The following DCLK1 variants were observed in gnomAD, a reference collection of about 807,000 sequenced individuals.
The protein encoded by DCLK1 is doublecortin like kinase 1.
Under a neutral mutation model 86.2 loss-of-function variants are expected in DCLK1, and 16 were observed. The observed-to-expected ratio is 0.19, with a 90% CI of 0.13 to 0.28. The LOEUF (loss-of-function observed/expected upper bound fraction) is 0.28, where lower values mean the gene tolerates loss of function less well. Ranked by LOEUF, DCLK1 falls within the 10% of genes least tolerant of loss-of-function variation. The pLI is 1.00. For missense variants in DCLK1, 590 were observed against 940.2 expected, an observed-to-expected ratio of 0.63 and a Z score of 4.87; for synonymous variants, 369 against 370.5, an observed-to-expected ratio of 1.00 and a Z score of 0.05.
rs1392467029 is a variant in DCLK1 at position 35,773,572 on chromosome 13, GACCA to G, written c.*959_*962del. 5.9e-5 allele frequency: 9 copies of G among 151,504 alleles called. No homozygotes were observed. Among genetic ancestry groups the G allele is most frequent in the Admixed American group, 4.6e-4 (7 of 15,096 alleles). The allele number at this position is 151,504 out of a possible 1,614,324, so 9.4% of individuals were successfully genotyped here. ...TACTAGATGTAGATTGCACAGTGAT[GACCA>G]CAGTGCGTGGAAAAGCAGGTGAGAA... On this transcript the variant is annotated 3_prime_UTR_variant, in exon 17 of 17. Transcript: ENST00000360631.
rs774831118 is a variant in DCLK1, at chr13:35,855,519, G to T, written c.941-926C>A. On this transcript the variant is annotated intron_variant, in intron 5 of 16. Transcript: ENST00000360631. ...AATGCATTTCACTTACCTTCTATGAGTTCTAACATGGACACAGTCTTAGTG... is the reference window on the plus strand; with the variant it reads ...AATGCATTTCACTTACCTTCTATGATTTCTAACATGGACACAGTCTTAGTG... 4 of 1,607,214 alleles carry T rather than the reference G, an allele frequency of 2.5e-6. 1 individual carries two copies. In the South Asian group the frequency reaches 4.5e-5, roughly 18 times the overall value.
Position 35,982,503 on chromosome 13 carries a change from T to C in DCLK1, c.724-35046A>G, listed in dbSNP as rs554137541. On this transcript the variant is annotated intron_variant, in intron 3 of 16. Transcript: ENST00000360631. ...GAAAGGGCAACCGATTCAAGTGAATTTCAACTTAGTGAAGTCAGGATACCT... is the reference window on the plus strand; with the variant it reads ...GAAAGGGCAACCGATTCAAGTGAATCTCAACTTAGTGAAGTCAGGATACCT... Among the ~76,000 whole-genome samples, 22 of 127,802 alleles carry C rather than the reference T, an allele frequency of 1.7e-4. 1 individual carries two copies. Among genetic ancestry groups the C allele is most frequent in the African/African-American group, 6.5e-4 (21 of 32,388 alleles). The allele number at this position is 127,802 out of a possible 152,430, so 83.8% of individuals were successfully genotyped here.
At chr13:35,980,347 C>T (rs980333682) in intron 3 of DCLK1, among the ~76,000 whole-genome samples, 1 of 151,948 alleles carries the variant, frequency 6.6e-6, no homozygotes, top group East Asian at 1.9e-4. Flanking sequence ...CCCAGCCACT[C>T]GGGAGGCTGA....
chr13:35,946,770 T>C (rs1009243725), intron 4 of DCLK1, among the ~76,000 whole-genome samples: 43 of 152,222 alleles, frequency 2.8e-4, no homozygotes, highest in African/African-American at 1.0e-3. Context: ...AGCCACAACA[T>C]TTCACATTCA....
chr13:35,850,911 A>G, intron 6 of DCLK1: 2 of 683,400 alleles, frequency 2.9e-6, no homozygotes, highest in African/African-American at 1.8e-5. Context: ...AACTTGGATT[A>G]GGAGGAAAGA....
At chr13:35,834,034 C>G (rs1014316293) in intron 8 of DCLK1, among the ~76,000 whole-genome samples, 9 of 152,242 alleles carry the variant, frequency 5.9e-5, no homozygotes, top group African/African-American at 2.2e-4. Context: ...GACCAAGACA[C>G]CAGCCCAATC....
intron 5 of DCLK1, chr13:35,855,498 C>G (rs1241487121): frequency 1.2e-6 from 2 of 1,603,178 alleles, no homozygotes; most frequent in Non-Finnish European, 1.7e-6. Context: ...AGCAGCAATG[C>G]ATTTCACTTA....
chr13:35,945,449 G>T (rs1448286297), intron 4 of DCLK1, among the ~76,000 whole-genome samples: 4 of 152,112 alleles, frequency 2.6e-5, no homozygotes, highest in Non-Finnish European at 5.9e-5. Context: ...AAGTCCATCT[G>T]GGGCCTAGAT....
chr13:35,819,540 A>G (rs1359303543), intron 11 of DCLK1, among the ~76,000 whole-genome samples: 1 of 152,216 alleles, frequency 6.6e-6, no homozygotes, highest in African/African-American at 2.4e-5. Context: ...GCTAACAAAA[A>G]TCTTGTTGTC....
intron 4 of DCLK1, among the ~76,000 whole-genome samples, chr13:35,913,056 C>A (rs1013896161): frequency 6.6e-6 from 1 of 152,170 alleles, no homozygotes; most frequent in African/African-American, 2.4e-5. Context: ...GCAAGTCTGA[C>A]AAGGGGTGAG....
intron 3 of DCLK1, among the ~76,000 whole-genome samples, chr13:36,028,310 C>A (rs1882124960): frequency 6.6e-6 from 1 of 152,148 alleles, no homozygotes; most frequent in Non-Finnish European, 1.5e-5. Context: ...AACAGAGATT[C>A]TGTTATGATT....
At chr13:35,816,586 T>C (rs1479721078) in intron 11 of DCLK1, among the ~76,000 whole-genome samples, 2 of 152,158 alleles carry the variant, frequency 1.3e-5, no homozygotes, top group Non-Finnish European at 2.9e-5. Context: ...AATTTAGCAC[T>C]CTTACTCATA....
At chr13:35,897,021 G>T (rs537348636) in intron 4 of DCLK1, among the ~76,000 whole-genome samples, 2 of 152,112 alleles carry the variant, frequency 1.3e-5, no homozygotes, top group Admixed American at 6.5e-5. Flanking sequence ...GGGCAGGAGA[G>T]GTCTAAGGCA....
chr13:35,957,263 AC>A (rs1441110119), intron 3 of DCLK1, among the ~76,000 whole-genome samples: 1 of 152,134 alleles, frequency 6.6e-6, no homozygotes, highest in Non-Finnish European at 1.5e-5. Flanking sequence ...ACCAAACCCA[AC>A]CCATAAAATC....
intron 3 of DCLK1, among the ~76,000 whole-genome samples, chr13:35,970,389 G>A (rs925806335): frequency 1.1e-4 from 17 of 152,166 alleles, no homozygotes; most frequent in African/African-American, 4.1e-4. Context: ...TTTGCCAAAA[G>A]AATAAAAATG....
intron 4 of DCLK1, among the ~76,000 whole-genome samples, chr13:35,874,696 C>A (rs1217195525): frequency 6.6e-6 from 1 of 152,162 alleles, no homozygotes; most frequent in South Asian, 2.1e-4. Flanking sequence ...ACATTAACAA[C>A]GTCAGAAAAT....
chr13:36,121,533 T>C (rs1885992419), intron 2 of DCLK1, among the ~76,000 whole-genome samples: 2 of 151,876 alleles, frequency 1.3e-5, no homozygotes, highest in Admixed American at 6.6e-5. Flanking sequence ...ACTTTTATTA[T>C]AGTATATTGT....
chr13:36,106,051 G>A lies in DCLK1; in HGVS notation c.723+5818C>T, dbSNP rs554047417. Among the ~76,000 whole-genome samples, 14 of 152,292 alleles carry A rather than the reference G, an allele frequency of 9.2e-5. No homozygotes were observed. In the South Asian group the frequency reaches 2.9e-3, roughly 32 times the overall value. On this transcript the variant is annotated intron_variant, in intron 3 of 16. Coordinates refer to ENST00000360631, the MANE Select transcript of DCLK1 (RefSeq NM_001330071.2). ...CTTTAGAAAACCTATCTTCAGTACA[G>A]CAGTGGAACACTAAGAGAACTTAGA...
intron 3 of DCLK1, among the ~76,000 whole-genome samples, chr13:36,097,921 G>A (rs1187316738): frequency 1.3e-5 from 2 of 151,894 alleles, no homozygotes; most frequent in African/African-American, 4.8e-5. Context: ...TGTCAGATAT[G>A]ACACTGTGGT....
Sources: allele counts gnomAD v4.1 joint callset (sites outside exome capture counted in the v4.1 genomes callset), GRCh38; gene constraint gnomAD v4.1.1; transcripts MANE v1.5; gene names NCBI Gene and HGNC (gene_info 2026-07-23, HGNC 2026-07-21).